The following SYT9 variants were observed in gnomAD, a reference collection of about 807,000 sequenced individuals.
SYT9 encodes synaptotagmin 9.
In SYT9, 22 loss-of-function variants were observed where a neutral mutation model predicts 48.4. That is an observed-to-expected ratio of 0.45 (90% CI 0.32 to 0.65). SYT9 has a LOEUF of 0.65. SYT9 is among the 30% of genes least tolerant of loss of function. The pLI is 0.03. For synonymous variants in SYT9, 265 were observed against 245.0 expected (o/e 1.08, Z -0.76); for missense variants, 577 against 622.0 (o/e 0.93, Z 0.77).
intron 1 of SYT9, among the ~76,000 whole-genome samples, chr11:7,261,720 A>G (rs1388721242): frequency 6.6e-6 from 1 of 151,984 alleles, no homozygotes; most frequent in East Asian, 1.9e-4. Context: ...AGAGCGTTCC[A>G]GGCAGGAGAG....
At chr11:7,448,340 G>C (rs1462153821) in intron 6 of SYT9, among the ~76,000 whole-genome samples, 2 of 152,254 alleles carry the variant, frequency 1.3e-5, no homozygotes, top group African/African-American at 4.8e-5. Flanking sequence ...TCTGGCTTGA[G>C]ACTTGGGGAA....
At chr11:7,289,028 T>A (rs1848651197) in intron 1 of SYT9, among the ~76,000 whole-genome samples, 2 of 152,192 alleles carry the variant, frequency 1.3e-5, no homozygotes, top group Admixed American at 6.5e-5. Flanking sequence ...GTTCTGTGCA[T>A]CCTCAGGAGA....
intron 6 of SYT9, among the ~76,000 whole-genome samples, chr11:7,432,176 A>T (rs1319798505): frequency 6.6e-6 from 1 of 152,204 alleles, no homozygotes; most frequent in Non-Finnish European, 1.5e-5. Context: ...GAGCTGCCCA[A>T]GGCCTTGGGG....
chr11:7,391,785 A>G (rs112091343), intron 3 of SYT9, among the ~76,000 whole-genome samples: 10,033 of 141,232 alleles, frequency 0.071, 468 homozygotes, highest in Middle Eastern at 0.19. Context: ...GCGTGGTGGC[A>G]TACGCCTGTA....
At chr11:7,362,922 T>C (rs1314316848) in intron 3 of SYT9, among the ~76,000 whole-genome samples, 18 of 151,220 alleles carry the variant, frequency 1.2e-4, no homozygotes, top group Admixed American at 1.1e-3. Flanking sequence ...TTTGTCTCTT[T>C]TATCTTTCTT....
At chr11:7,340,646 G>T (rs569004740) in intron 3 of SYT9, among the ~76,000 whole-genome samples, 1 of 152,172 alleles carries the variant, frequency 6.6e-6, no homozygotes, top group Non-Finnish European at 1.5e-5. Flanking sequence ...CTGTGAGGTA[G>T]GTGTTCTGTA....
At chr11:7,298,657 C>CTT (rs10628508) in intron 1 of SYT9, among the ~76,000 whole-genome samples, 76,047 of 150,260 alleles carry the variant, frequency 0.51, 19,195 homozygotes, top group Admixed American at 0.54. Flanking sequence ...TACAGGTCCA[C>CTT]TTTTTTTTTA....
intron 6 of SYT9, among the ~76,000 whole-genome samples, chr11:7,449,322 CAAAAAAAAAA>C (rs759372659): frequency 1.3e-3 from 58 of 44,770 alleles, no homozygotes; most frequent in African/African-American, 3.3e-3. Context: ...GACTCCACCT[CAAAAAAAAAA>C]AAAAAAAAAA....
chr11:7,374,694 G>T (rs531974684), intron 3 of SYT9, among the ~76,000 whole-genome samples: 29 of 152,294 alleles, frequency 1.9e-4, no homozygotes, highest in Admixed American at 1.8e-3. Flanking sequence ...TTTGCCATAT[G>T]TTTCTTGGCC....
intron 3 of SYT9, among the ~76,000 whole-genome samples, chr11:7,354,737 G>A (rs947182560): frequency 1.3e-5 from 2 of 152,128 alleles, no homozygotes; most frequent in Non-Finnish European, 2.9e-5. Flanking sequence ...CCAACTTGAT[G>A]CTTTACAGTT....
intron 3 of SYT9, among the ~76,000 whole-genome samples, chr11:7,330,568 A>G (rs11041319): frequency 0.3 from 45,178 of 152,116 alleles, 6,969 homozygotes; most frequent in Middle Eastern, 0.34. Flanking sequence ...ATACAGGAAT[A>G]TATAAAATAT....
chr11:7,264,525 G>A (rs1042861614), intron 1 of SYT9, among the ~76,000 whole-genome samples: 13 of 152,018 alleles, frequency 8.6e-5, no homozygotes, highest in Admixed American at 6.6e-4. Flanking sequence ...AGAGAAAAGC[G>A]GATATGTAAA....
At position 7,421,834 on chromosome 11, in the gene SYT9, C is replaced by T. The variant is rs140828156; in HGVS notation, c.1467+1199C>T. Among the ~76,000 whole-genome samples, 1,469 of 152,280 alleles carry T rather than the reference C, an allele frequency of 9.6e-3. 14 individuals are homozygous for T. The highest frequency in any genetic ancestry group is 0.012 in the Non-Finnish European group (838 of 68,020). On this transcript the variant is annotated intron_variant, in intron 6 of 6. Transcript: ENST00000318881. Reference sequence around the variant, plus strand: ...AACAAAAGATGACATGTAAACTAATCTTCGAGAGGCACAAATACAAGCATT... The same window carrying T: ...AACAAAAGATGACATGTAAACTAATTTTCGAGAGGCACAAATACAAGCATT...
chr11:7,454,745 C>T (rs531894371), intron 6 of SYT9, among the ~76,000 whole-genome samples: 1 of 152,250 alleles, frequency 6.6e-6, no homozygotes, highest in Admixed American at 6.5e-5. Context: ...AGAGCTGTTT[C>T]CCCAGCACCC....
intron 3 of SYT9, among the ~76,000 whole-genome samples, chr11:7,396,388 T>TCATTCAAC (rs1250922026): frequency 2.0e-5 from 3 of 152,200 alleles, no homozygotes; most frequent in Admixed American, 6.5e-5. Flanking sequence ...CTGGCTTCTT[T>TCATTCAAC]CATTCAACAT....
At chr11:7,292,457 C>T (rs943120050) in intron 1 of SYT9, among the ~76,000 whole-genome samples, 2 of 152,150 alleles carry the variant, frequency 1.3e-5, no homozygotes, top group African/African-American at 4.8e-5. Flanking sequence ...AGAAATGGCC[C>T]AGGAGAGGGT....
intron 6 of SYT9, among the ~76,000 whole-genome samples, chr11:7,450,659 C>T (rs914874861): frequency 6.6e-5 from 10 of 152,200 alleles, no homozygotes; most frequent in Middle Eastern, 3.2e-3. Context: ...GGTCCAAATG[C>T]GGACTTACTT....
chr11:7,434,101 A>C (rs1008146469), intron 6 of SYT9, among the ~76,000 whole-genome samples: 20 of 152,152 alleles, frequency 1.3e-4, no homozygotes, highest in Admixed American at 1.2e-3. Flanking sequence ...GCTACTGAGG[A>C]ACTCCATACA....
intron 3 of SYT9, among the ~76,000 whole-genome samples, chr11:7,331,751 C>T (rs1385208658): frequency 2.0e-5 from 3 of 151,978 alleles, no homozygotes; most frequent in Non-Finnish European, 2.9e-5. Context: ...CATTAGGAGT[C>T]CTCATTAAGC....
Sources: allele counts gnomAD v4.1 joint callset (sites outside exome capture counted in the v4.1 genomes callset), GRCh38; gene constraint gnomAD v4.1.1; transcripts MANE v1.5; gene names NCBI Gene and HGNC (gene_info 2026-07-23, HGNC 2026-07-21).